Variants in EXT2 observed in about 807,000 individuals in gnomAD.
The protein encoded by EXT2 is exostosin glycosyltransferase 2.
A neutral mutation model predicts 81.6 loss-of-function variants in EXT2; 53 were observed. The ratio of observed to expected loss-of-function variants is 0.65; its 90% CI spans 0.52 to 0.82. The LOEUF (loss-of-function observed/expected upper bound fraction) is 0.82, where lower values mean the gene tolerates loss of function less well. Ranked by LOEUF, EXT2 falls within the 40% of genes least tolerant of loss-of-function variation. The pLI is 0.00. For synonymous variants in EXT2, 320 were observed against 340.0 expected (o/e 0.94, Z 0.65); for missense variants, 774 against 910.2 (o/e 0.85, Z 1.93).
chr11:44,183,630 C>A (rs1331537568), intron 8 of EXT2, among the ~76,000 whole-genome samples: 4 of 151,802 alleles, frequency 2.6e-5, no homozygotes, highest in Admixed American at 2.6e-4. Flanking sequence ...TTTCGTTCAT[C>A]AGGTTTTCCA....
intron 7 of EXT2, among the ~76,000 whole-genome samples, chr11:44,146,154 G>C (rs539896778): frequency 2.3e-4 from 35 of 152,288 alleles, no homozygotes; most frequent in African/African-American, 8.2e-4. Flanking sequence ...CACCTCTGGT[G>C]TCACTCTGTG....
chr11:44,134,607 A>C (rs1399548144), intron 7 of EXT2, among the ~76,000 whole-genome samples: 1 of 152,212 alleles, frequency 6.6e-6, no homozygotes, highest in Non-Finnish European at 1.5e-5. Flanking sequence ...TCATATTCCC[A>C]GTCTCCCCTG....
rs199889239 is a variant in EXT2, at chr11:44,200,150, A to AT, written c.1495+2133dup. 5.0e-4 allele frequency among the ~76,000 whole-genome samples: 75 copies of AT among 149,872 alleles called. No individual in the cohort carries two copies. In the East Asian group the frequency reaches 6.6e-3, roughly 13 times the overall value. On this transcript the variant is annotated intron_variant, in intron 9 of 13. Transcript: ENST00000533608. The stretch of plus-strand genomic sequence containing the variant: ...GTACAGCATTAGTAACATATATATT[A>AT]TAAAAAAAAAAAAAAGCAAGTCCAA...
chr11:44,116,494 A>G (rs1210572983), intron 4 of EXT2: 1 of 152,214 alleles, frequency 6.6e-6, no homozygotes, highest in African/African-American at 2.4e-5. Context: ...ACAAGTTTGT[A>G]TGTAAAGCTG....
intron 7 of EXT2, among the ~76,000 whole-genome samples, chr11:44,131,793 A>G (rs956627926): frequency 6.6e-6 from 1 of 152,156 alleles, no homozygotes; most frequent in African/African-American, 2.4e-5. Flanking sequence ...GCTGGAGTGC[A>G]GTGGCATGAT....
rs183358866 is a variant in EXT2 at position 44,108,323 on chromosome 11, A to G, written c.536+75A>G. ...TCAGGGAACTAAAGGGAAGGGAAGG[A>G]TGGGAATGCTTCTGCTCTTGAGTTG... is the stretch of plus-strand genomic sequence containing the variant. On this transcript the variant is annotated intron_variant, in intron 2 of 13. Coordinates refer to ENST00000533608, the MANE Select transcript of EXT2 (RefSeq NM_207122.2). 145 of 1,495,444 alleles carry G rather than the reference A, an allele frequency of 9.7e-5. 1 individual carries two copies. In the African/African-American group the frequency reaches 1.8e-3, roughly 19 times the overall value. 92.6% of individuals were successfully genotyped at this position (1,495,444 alleles called of 1,614,324 possible).
At chr11:44,179,034 T>C (rs1955197783) in intron 8 of EXT2, among the ~76,000 whole-genome samples, 1 of 152,076 alleles carries the variant, frequency 6.6e-6, no homozygotes, top group African/African-American at 2.4e-5. Context: ...AAAGCTGAAC[T>C]GGGTCTGCAG....
rs183728786 is a variant in EXT2, at chr11:44,182,357, C to A, written c.1305+10615C>A. Among the ~76,000 whole-genome samples, 100 of 152,170 alleles carry A rather than the reference C, an allele frequency of 6.6e-4. 1 individual carries two copies. The East Asian group carries it at 0.019, about 29-fold the overall frequency. ...TTTCTGTTTCCAGAGCCCCTTCTTC[C>A]AGGATACCAAGTATCTCCAATTTCT... On this transcript the variant is annotated intron_variant, in intron 8 of 13. Transcript: ENST00000533608.
At chr11:44,206,700 G>T in intron 9 of EXT2, 93 bp from the exon 10 acceptor site, 1 of 1,360,294 alleles carries the variant, frequency 7.4e-7, no homozygotes, top group South Asian at 1.2e-5. Context: ...GATACAAGCT[G>T]ATTCTCCCAT....
At chr11:44,126,767 G>A in intron 5 of EXT2, 49 bp from the exon 6 acceptor site, 1 of 1,613,702 alleles carries the variant, frequency 6.2e-7, no homozygotes, top group Non-Finnish European at 8.5e-7. Context: ...CAAAGTTAGT[G>A]GATCAGCAAA....
chr11:44,221,543 C>A lies in EXT2; in HGVS notation c.1663-10810C>A, dbSNP rs1167606371. The stretch of plus-strand genomic sequence containing the variant: ...CCTGCTGTCTCATTGGGATTGATTA[C>A]AGGGGAGCTTTGGCTGCTTCAGGAA... On this transcript the variant is annotated intron_variant, in intron 10 of 13. Transcript: ENST00000533608. 2.0e-5 allele frequency among the ~76,000 whole-genome samples: 3 copies of A among 152,184 alleles called. No homozygotes were observed. In the East Asian group the frequency reaches 5.8e-4, roughly 29 times the overall value.
intron 7 of EXT2, among the ~76,000 whole-genome samples, chr11:44,142,947 T>C (rs1006110446): frequency 5.9e-5 from 9 of 152,240 alleles, no homozygotes; most frequent in Non-Finnish European, 2.9e-5. Flanking sequence ...GGAAATACTT[T>C]CATTTATTTA....
intron 9 of EXT2, among the ~76,000 whole-genome samples, chr11:44,203,562 T>C (rs955122617): frequency 6.6e-6 from 1 of 152,094 alleles, no homozygotes; most frequent in Non-Finnish European, 1.5e-5. Flanking sequence ...ACAGGGAGAA[T>C]TGTGGCTGAG....
chr11:44,105,840 T>C (rs956828284), intron 1 of EXT2, among the ~76,000 whole-genome samples: 4 of 152,198 alleles, frequency 2.6e-5, no homozygotes, highest in Non-Finnish European at 5.9e-5. Context: ...TTATTGGCTG[T>C]TTTATATATC....
chr11:44,101,510 A>G (rs1180523500), intron 1 of EXT2, among the ~76,000 whole-genome samples: 3 of 152,226 alleles, frequency 2.0e-5, no homozygotes, highest in African/African-American at 7.2e-5. Flanking sequence ...AGGTTAAGTC[A>G]CTTTGGACTG....
intron 8 of EXT2, among the ~76,000 whole-genome samples, chr11:44,181,343 C>T (rs1955233832): frequency 1.3e-5 from 2 of 152,086 alleles, no homozygotes; most frequent in African/African-American, 4.8e-5. Context: ...ATGATACGCC[C>T]TGACGTGGGT....
intron 7 of EXT2, among the ~76,000 whole-genome samples, chr11:44,159,173 A>T: frequency 1.5e-5 from 2 of 137,590 alleles, no homozygotes; most frequent in African/African-American, 2.7e-5. Context: ...AGCTTCCTGG[A>T]TCTGTAGTTT....
intron 7 of EXT2, among the ~76,000 whole-genome samples, chr11:44,160,095 T>A (rs1008939079): frequency 6.6e-6 from 1 of 152,236 alleles, no homozygotes; most frequent in African/African-American, 2.4e-5. Context: ...GTATTCTCTG[T>A]GAGAACCTGG....
At chr11:44,114,580 G>A (rs573552562) in intron 4 of EXT2, among the ~76,000 whole-genome samples, 1 of 152,146 alleles carries the variant, frequency 6.6e-6, no homozygotes, top group Non-Finnish European at 1.5e-5. Context: ...TATCAAAGTA[G>A]GAAGTCGTAT....
Sources: gnomAD v4.1 joint callset for allele counts (sites outside exome capture counted in the v4.1 genomes callset) on GRCh38, gnomAD v4.1.1 for gene constraint, MANE v1.5 for transcripts, NCBI Gene and HGNC (gene_info 2026-07-23, HGNC 2026-07-21) for gene names.